The following PHC3 variants were observed in gnomAD, a reference collection of about 807,000 sequenced individuals.
The protein encoded by PHC3 is polyhomeotic-like protein 3.
Under a neutral mutation model 107.4 loss-of-function variants are expected in PHC3, and 13 were observed. The ratio of observed to expected loss-of-function variants is 0.12; its 90% CI spans 0.08 to 0.19. The LOEUF is 0.19. Among genes scored for constraint, PHC3 ranks in the 10% least tolerant of loss-of-function variants. The pLI is 1.00. For synonymous variants in PHC3, 456 were observed against 427.4 expected (o/e 1.07, Z -0.83); for missense variants, 992 against 1,210.9 (o/e 0.82, Z 2.68).
Position 170,090,062 on chromosome 3 carries a change from A to T in PHC3, c.*7168T>A, listed in dbSNP as rs1713933200. On this transcript the variant is annotated 3_prime_UTR_variant, in exon 15 of 15. Transcript: ENST00000495893. ...AACTCTGGAATAGAGTCAAGTGTCA[A>T]AATAATGTTGTGAAATACGGGCTGT... 1 of 152,124 alleles carries T rather than the reference A, an allele frequency of 6.6e-6. No homozygotes were observed. The highest frequency in any genetic ancestry group is 6.5e-5 in the Admixed American group (1 of 15,282). The allele number at this position is 152,124 out of a possible 1,614,324, so 9.4% of individuals were successfully genotyped here.
At chr3:170,145,579 A>C in intron 5 of PHC3, 58 bp from the exon 6 acceptor site, 1 of 1,248,102 alleles carries the variant, frequency 8.0e-7, no homozygotes, top group South Asian at 1.3e-5. Flanking sequence ...TCCCACACAC[A>C]ATGTGTAGCA....
At chr3:170,098,123 GTGCT>G (rs1714880888) in intron 14 of PHC3, among the ~76,000 whole-genome samples, 1 of 152,086 alleles carries the variant, frequency 6.6e-6, no homozygotes, top group African/African-American at 2.4e-5. Context: ...TCTAAACCAG[GTGCT>G]TTAGCAGGTA....
At chr3:170,176,340 G>A (rs551771025) in intron 2 of PHC3, among the ~76,000 whole-genome samples, 1 of 152,174 alleles carries the variant, frequency 6.6e-6, no homozygotes, top group South Asian at 2.1e-4. Context: ...CTGGTGAACT[G>A]GCTGGTTCCA....
At chr3:170,117,058 T>C in intron 10 of PHC3, 168 bp downstream of exon 10, 1 of 871,458 alleles carries the variant, frequency 1.1e-6, no homozygotes, top group Non-Finnish European at 1.7e-6. Context: ...CATAAAATTC[T>C]ACATAAACAT....
rs948856926 is a variant in PHC3, at chr3:170,096,955, A to G, written c.*275T>C. The G allele has an allele frequency of 2.3e-5, 6 of 265,462 alleles. No individual in the cohort carries two copies. The highest frequency in any genetic ancestry group is 4.2e-5 in the Non-Finnish European group (6 of 142,734). 16.4% of individuals were successfully genotyped at this position (265,462 alleles called of 1,614,324 possible). ...ACCTTTAAAAAAATTATCTAGTATA[A>G]CACATTTCTTTGAAAAATATCATGG... On this transcript the variant is annotated 3_prime_UTR_variant, in exon 15 of 15. Coordinates refer to ENST00000495893, the MANE Select transcript of PHC3 (RefSeq NM_024947.4).
At chr3:170,119,556 C>T (rs1032319594) in intron 9 of PHC3, among the ~76,000 whole-genome samples, 1 of 152,014 alleles carries the variant, frequency 6.6e-6, no homozygotes, top group African/African-American at 2.4e-5. Context: ...ATGAGAAACA[C>T]TCATGTATTA....
Position 170,092,031 on chromosome 3 carries a change from GCT to G in PHC3, c.*5197_*5198del, listed in dbSNP as rs1714154152. On this transcript the variant is annotated 3_prime_UTR_variant, in exon 15 of 15. Coordinates refer to ENST00000495893, the MANE Select transcript of PHC3 (RefSeq NM_024947.4). ...TTTTGTTTTTTTGAGATGGAGTCTC[GCT>G]CTGTCACCCAGGCTGGAGTGCAGGG... is the stretch of plus-strand genomic sequence containing the variant. The G allele has an allele frequency of 6.6e-6, 1 of 151,928 alleles. No homozygotes were observed. The highest frequency in any genetic ancestry group is 2.1e-4 in the South Asian group (1 of 4,816). 9.4% of individuals were successfully genotyped at this position (151,928 alleles called of 1,614,324 possible).
chr3:170,095,275 G>T lies in PHC3; in HGVS notation c.*1955C>A, dbSNP rs944714296. On this transcript the variant is annotated 3_prime_UTR_variant, in exon 15 of 15. Coordinates refer to ENST00000495893, the MANE Select transcript of PHC3 (RefSeq NM_024947.4). ...TTAAAAATGTGATATAAAGAAATAC[G>T]TAACATAGACTACAAGCTATCGTAG... is the stretch of plus-strand genomic sequence containing the variant. The T allele has an allele frequency of 1.3e-4, 20 of 152,128 alleles. 2 individuals are homozygous for T. The highest frequency in any genetic ancestry group is 7.2e-4 in the Admixed American group (11 of 15,260). 9.4% of individuals were successfully genotyped at this position (152,128 alleles called of 1,614,324 possible).
intron 10 of PHC3, 117 bp from the exon 11 acceptor site, chr3:170,113,636 A>G: frequency 1.1e-6 from 1 of 944,074 alleles, no homozygotes; most frequent in Middle Eastern, 3.0e-4. Flanking sequence ...AGTTCAACTG[A>G]TCAGATCCAT....
chr3:170,114,252 A>ACCCACCTCAGC (rs1718455230), intron 10 of PHC3, among the ~76,000 whole-genome samples: 1 of 151,946 alleles, frequency 6.6e-6, no homozygotes, highest in Non-Finnish European at 1.5e-5. Flanking sequence ...CAGGTGATCC[A>ACCCACCTCAGC]CCCACCTCAG....
intron 10 of PHC3, among the ~76,000 whole-genome samples, chr3:170,114,356 G>C (rs989510725): frequency 2.5e-4 from 38 of 152,294 alleles, no homozygotes; most frequent in African/African-American, 8.9e-4. Flanking sequence ...AAGATCATCA[G>C]TAAATGCTGA....
At chr3:170,104,982 T>C (rs1716200551) in intron 12 of PHC3, among the ~76,000 whole-genome samples, 2 of 152,184 alleles carry the variant, frequency 1.3e-5, no homozygotes, top group South Asian at 4.1e-4. Context: ...TAGGCAGACA[T>C]GTAAATGGCA....
intron 11 of PHC3, among the ~76,000 whole-genome samples, chr3:170,108,921 T>C (rs1436314127): frequency 1.3e-5 from 2 of 152,198 alleles, no homozygotes; most frequent in East Asian, 3.8e-4. Flanking sequence ...AGGAAATGTT[T>C]TTGTTGGTGA....
chr3:170,159,309 T>C (rs1727464578), intron 4 of PHC3, among the ~76,000 whole-genome samples: 2 of 151,776 alleles, frequency 1.3e-5, no homozygotes, highest in Non-Finnish European at 2.9e-5. Context: ...CCAAAGTATT[T>C]TATCCATAAT....
At chr3:170,104,120 C>G (rs1716016198) in intron 12 of PHC3, among the ~76,000 whole-genome samples, 1 of 151,952 alleles carries the variant, frequency 6.6e-6, no homozygotes, top group South Asian at 2.1e-4. Flanking sequence ...ATTGAATAAG[C>G]ATGGTTGTGT....
At position 170,142,067 on chromosome 3, in the gene PHC3, T is replaced by C. The variant is rs532394546; in HGVS notation, c.672+3356A>G. ...TATGTTAAGTACTTTTTGTTTCATT[T>C]ATTCCTTATAACAATGCTGAGCTGC... On this transcript the variant is annotated intron_variant, in intron 6 of 14. Coordinates refer to ENST00000495893, the MANE Select transcript of PHC3 (RefSeq NM_024947.4). 2.0e-5 allele frequency among the ~76,000 whole-genome samples: 3 copies of C among 152,336 alleles called. No homozygotes were observed. In the South Asian group the frequency reaches 6.2e-4, roughly 32 times the overall value.
chr3:170,148,966 A>G, intron 5 of PHC3, 120 bp downstream of exon 5: 1 of 952,026 alleles, frequency 1.1e-6, no homozygotes, highest in Middle Eastern at 3.4e-4. Context: ...GCCCGCATGC[A>G]CACACACACA....
chr3:170,108,469 T>G (rs1716995523), intron 11 of PHC3, among the ~76,000 whole-genome samples: 1 of 152,178 alleles, frequency 6.6e-6, no homozygotes, highest in African/African-American at 2.4e-5. Flanking sequence ...AATGAAATCA[T>G]GAACTGACAC....
Position 170,102,707 on chromosome 3 carries a change from G to A in PHC3, c.2605C>T (p.Pro869Ser). The change falls in exon 14 of 15, where the codon CCA becomes TCA. Residue 869 changes from proline to serine, a missense_variant. Coordinates refer to ENST00000495893, the MANE Select transcript of PHC3 (RefSeq NM_024947.4). ...AAREHILRQL[P>S]ITYPSAEEDL... is the part of the protein sequence containing the mutation. ...TCTTCTGCAGATGGATAAGTAATTG[G>A]AAGCTGGAAAATGTAGTACAAGCAA... 3.7e-6 allele frequency: 6 copies of A among 1,613,934 alleles called. No individual in the cohort carries two copies. The highest frequency in any genetic ancestry group is 4.2e-6 in the Non-Finnish European group (5 of 1,179,846).
Sources: allele counts gnomAD v4.1 joint callset (sites outside exome capture counted in the v4.1 genomes callset), GRCh38; gene constraint gnomAD v4.1.1; transcripts MANE v1.5; gene names NCBI Gene and HGNC (gene_info 2026-07-23, HGNC 2026-07-21).